The following RASAL2 variants were observed in gnomAD, a reference collection of about 807,000 sequenced individuals.
RASAL2 encodes the protein ras GTPase-activating protein nGAP.
A neutral mutation model predicts 128.9 loss-of-function variants in RASAL2; 58 were observed. That is an observed-to-expected ratio of 0.45 (90% CI 0.36 to 0.56). The LOEUF is 0.56. Among genes scored for constraint, RASAL2 ranks in the 20% least tolerant of loss-of-function variants. The pLI is 0.00. For synonymous variants in RASAL2, 561 were observed against 580.8 expected (o/e 0.97, Z 0.49); for missense variants, 1,360 against 1,601.6 (o/e 0.85, Z 2.57).
intron 1 of RASAL2, among the ~76,000 whole-genome samples, chr1:178,227,698 G>T (rs1268215024): frequency 1.3e-5 from 2 of 152,290 alleles, no homozygotes; most frequent in Non-Finnish European, 2.9e-5. Context: ...TTTATTCAGA[G>T]AATTTAAATG....
intron 1 of RASAL2, among the ~76,000 whole-genome samples, chr1:178,161,751 A>C (rs1181214183): frequency 6.6e-6 from 1 of 152,050 alleles, no homozygotes; most frequent in Non-Finnish European, 1.5e-5. Context: ...CATCCTTGTC[A>C]ACACTTCTTA....
intron 3 of RASAL2, among the ~76,000 whole-genome samples, chr1:178,342,090 A>G (rs1557915161): frequency 6.6e-6 from 1 of 152,198 alleles, no homozygotes; most frequent in Non-Finnish European, 1.5e-5. Context: ...AACAGGTTTG[A>G]TCCATAGACA....
At chr1:178,324,053 T>C (rs1261624650) in intron 3 of RASAL2, among the ~76,000 whole-genome samples, 2 of 152,186 alleles carry the variant, frequency 1.3e-5, no homozygotes, top group African/African-American at 2.4e-5. Flanking sequence ...GGATTCAAAT[T>C]CCATATGCTC....
At chr1:178,231,057 G>T (rs780466058) in intron 1 of RASAL2, among the ~76,000 whole-genome samples, 2 of 152,124 alleles carry the variant, frequency 1.3e-5, no homozygotes, top group Admixed American at 6.6e-5. Flanking sequence ...CATTCACCCA[G>T]TTCCTGAGAT....
chr1:178,354,939 A>G (rs1328810011), intron 3 of RASAL2, among the ~76,000 whole-genome samples: 1 of 152,224 alleles, frequency 6.6e-6, no homozygotes, highest in African/African-American at 2.4e-5. Context: ...AGCCTGGGCA[A>G]CATGATAAGC....
chr1:178,253,350 A>G (rs1665144773), intron 1 of RASAL2, among the ~76,000 whole-genome samples: 1 of 152,190 alleles, frequency 6.6e-6, no homozygotes, highest in Admixed American at 6.5e-5. Flanking sequence ...ATATTTTCAA[A>G]TAGGGTCACA....
At chr1:178,256,754 A>T (rs947032378) in intron 1 of RASAL2, among the ~76,000 whole-genome samples, 1 of 151,940 alleles carries the variant, frequency 6.6e-6, no homozygotes, top group Non-Finnish European at 1.5e-5. Context: ...GCTCATTGCA[A>T]CCTCCGCCTC....
chr1:178,413,348 A>C (rs1674538378), intron 4 of RASAL2, among the ~76,000 whole-genome samples: 1 of 151,830 alleles, frequency 6.6e-6, no homozygotes, highest in Non-Finnish European at 1.5e-5. Context: ...CAATTCCAGC[A>C]CTCTCTAGCC....
At chr1:178,307,816 G>A (rs914115241) in intron 3 of RASAL2, among the ~76,000 whole-genome samples, 5 of 152,206 alleles carry the variant, frequency 3.3e-5, no homozygotes, top group African/African-American at 1.2e-4. Context: ...TAAAGTTCAT[G>A]TTTTCATGCC....
chr1:178,332,518 A>G (rs1557908081), intron 3 of RASAL2, among the ~76,000 whole-genome samples: 1 of 151,936 alleles, frequency 6.6e-6, no homozygotes, highest in Admixed American at 6.6e-5. Flanking sequence ...AAAAACCTGT[A>G]TTCTCAAAAT....
chr1:178,156,726 A>G (rs2101887820), intron 1 of RASAL2, among the ~76,000 whole-genome samples: 1 of 152,350 alleles, frequency 6.6e-6, no homozygotes, highest in Middle Eastern at 3.4e-3. Flanking sequence ...CGAGCTAAAG[A>G]CATGAAATAT....
chr1:178,461,025 G>A (rs775698996), intron 14 of RASAL2, among the ~76,000 whole-genome samples: 6 of 152,034 alleles, frequency 3.9e-5, no homozygotes, highest in Non-Finnish European at 7.4e-5. Flanking sequence ...TGTTGGCCAG[G>A]TTGGTCTTGA....
chr1:178,204,958 A>G (rs756255254), intron 1 of RASAL2, among the ~76,000 whole-genome samples: 2 of 152,218 alleles, frequency 1.3e-5, no homozygotes, highest in Non-Finnish European at 2.9e-5. Context: ...GAAAAGAATT[A>G]TTAGAATTAC....
In RASAL2 at chr1:178,116,432, T is replaced by C. The variant is rs543311215; in HGVS notation, c.202+21738T>C. ...CAGTAAATCAGAACTCTTATGCACA[T>C]TGAGGTATCTACAAACAAGAAGAAT... On this transcript the variant is annotated intron_variant, in intron 1 of 17. Coordinates refer to ENST00000367649, the MANE Select transcript of RASAL2 (RefSeq NM_170692.4). Among the ~76,000 whole-genome samples the C allele has an allele frequency of 2.6e-5, 4 of 152,218 alleles. No homozygotes were observed. In the South Asian group the frequency reaches 8.3e-4, roughly 32 times the overall value.
chr1:178,279,847 C>T (rs1160050510), intron 1 of RASAL2, among the ~76,000 whole-genome samples: 1 of 152,134 alleles, frequency 6.6e-6, no homozygotes, highest in Non-Finnish European at 1.5e-5. Context: ...GAAGTCTTTT[C>T]TGATGAGATC....
intron 3 of RASAL2, among the ~76,000 whole-genome samples, chr1:178,334,407 C>T (rs879910765): frequency 6.6e-6 from 1 of 151,210 alleles, no homozygotes; most frequent in Non-Finnish European, 1.5e-5. Context: ...GGCACTATCT[C>T]GGGTCACTGC....
intron 4 of RASAL2, among the ~76,000 whole-genome samples, chr1:178,391,806 C>T (rs536920255): frequency 1.6e-4 from 25 of 152,262 alleles, no homozygotes; most frequent in African/African-American, 6.0e-4. Context: ...CAGATCGTTT[C>T]TATGTTAACT....
At chr1:178,244,598 G>A (rs1226641849) in intron 1 of RASAL2, among the ~76,000 whole-genome samples, 2 of 152,128 alleles carry the variant, frequency 1.3e-5, no homozygotes, top group East Asian at 1.9e-4. Flanking sequence ...TGGGATATAT[G>A]TGCTTAATGT....
chr1:178,354,879 C>T (rs2102454214), intron 3 of RASAL2, among the ~76,000 whole-genome samples: 1 of 152,300 alleles, frequency 6.6e-6, no homozygotes, highest in Non-Finnish European at 1.5e-5. Flanking sequence ...AACTTTTACC[C>T]TAAATTCCTT....
Sources: gnomAD v4.1 joint callset for allele counts (sites outside exome capture counted in the v4.1 genomes callset) on GRCh38, gnomAD v4.1.1 for gene constraint, MANE v1.5 for transcripts, NCBI Gene and HGNC (gene_info 2026-07-23, HGNC 2026-07-21) for gene names.